Variants in NRG3 observed in about 807,000 individuals in gnomAD.
The protein encoded by NRG3 is neuregulin 3.
In NRG3, 31 loss-of-function variants were observed where a neutral mutation model predicts 66.9. The observed-to-expected ratio is 0.46, with a 90% CI of 0.35 to 0.63. NRG3 has a LOEUF of 0.63. Among genes scored for constraint, NRG3 ranks in the 20% least tolerant of loss-of-function variants. The probability of loss-of-function intolerance (pLI) is 0.00; values close to 1 mark genes in which losing one functional copy is unlikely to be tolerated. For synonymous variants in NRG3, 393 were observed against 359.4 expected (o/e 1.09, Z -1.06); for missense variants, 910 against 878.9 (o/e 1.04, Z -0.45).
chr10:82,107,474 A>G (rs1189166791), intron 1 of NRG3, among the ~76,000 whole-genome samples: 7 of 152,162 alleles, frequency 4.6e-5, no homozygotes, highest in Non-Finnish European at 8.8e-5. Context: ...TTATATGCCA[A>G]TTTCTGGGTA....
intron 2 of NRG3, among the ~76,000 whole-genome samples, chr10:82,435,933 T>C (rs2090113077): frequency 6.6e-6 from 1 of 152,134 alleles, no homozygotes; most frequent in South Asian, 2.1e-4. Flanking sequence ...CTTTTGCATT[T>C]GCTGAGGAGT....
intron 2 of NRG3, among the ~76,000 whole-genome samples, chr10:82,600,827 A>G (rs2047580860): frequency 6.6e-6 from 1 of 151,916 alleles, no homozygotes; most frequent in Admixed American, 6.6e-5. Context: ...GTACGTGTGC[A>G]GGTTTATCAC....
chr10:82,818,073 G>A (rs1591617919), intron 3 of NRG3, among the ~76,000 whole-genome samples: 1 of 152,232 alleles, frequency 6.6e-6, no homozygotes, highest in African/African-American at 2.4e-5. Context: ...GCCACGCATG[G>A]GCTGTTGGCT....
intron 1 of NRG3, among the ~76,000 whole-genome samples, chr10:81,908,041 A>T (rs1024648434): frequency 3.9e-5 from 6 of 152,192 alleles, no homozygotes; most frequent in African/African-American, 1.4e-4. Context: ...TAGATGCATG[A>T]TGTAATCTTC....
intron 3 of NRG3, among the ~76,000 whole-genome samples, chr10:82,739,964 A>G (rs568283087): frequency 6.6e-6 from 1 of 151,234 alleles, no homozygotes; most frequent in South Asian, 2.1e-4. Flanking sequence ...GGAAACTTGC[A>G]TAAAATAATG....
At chr10:82,138,502 A>G (rs1013835749) in intron 1 of NRG3, among the ~76,000 whole-genome samples, 3 of 152,158 alleles carry the variant, frequency 2.0e-5, no homozygotes, top group African/African-American at 7.2e-5. Context: ...GATATTATAC[A>G]TATGAAGTGT....
intron 3 of NRG3, among the ~76,000 whole-genome samples, chr10:82,838,722 A>G (rs1194153558): frequency 6.6e-6 from 1 of 152,102 alleles, no homozygotes; most frequent in Non-Finnish European, 1.5e-5. Flanking sequence ...TTTTAATTAT[A>G]TACATATACA....
At chr10:82,467,038 G>A (rs1371406885) in intron 2 of NRG3, among the ~76,000 whole-genome samples, 1 of 152,092 alleles carries the variant, frequency 6.6e-6, no homozygotes, top group Non-Finnish European at 1.5e-5. Flanking sequence ...ACTTTGCAGA[G>A]ATTCTATCAA....
At chr10:82,872,169 G>C (rs571560372) in intron 4 of NRG3, among the ~76,000 whole-genome samples, 1 of 152,008 alleles carries the variant, frequency 6.6e-6, no homozygotes, top group Non-Finnish European at 1.5e-5. Context: ...TGATATGATC[G>C]TGTGATTTTT....
At chr10:82,155,497 A>G (rs2071120851) in intron 1 of NRG3, among the ~76,000 whole-genome samples, 1 of 151,802 alleles carries the variant, frequency 6.6e-6, no homozygotes, top group Non-Finnish European at 1.5e-5. Context: ...CATAAGCACT[A>G]TCCATTGGGC....
chr10:82,640,985 G>T (rs2050530850), intron 2 of NRG3, among the ~76,000 whole-genome samples: 1 of 150,588 alleles, frequency 6.6e-6, no homozygotes, highest in Non-Finnish European at 1.5e-5. Context: ...ACAAAACCTA[G>T]GGTCTTTAAA....
At chr10:82,271,781 C>T (rs773176821) in intron 1 of NRG3, among the ~76,000 whole-genome samples, 72 of 151,990 alleles carry the variant, frequency 4.7e-4, no homozygotes, top group Non-Finnish European at 8.8e-4. Flanking sequence ...AAATTCATAC[C>T]TTTCTAAGGA....
intron 2 of NRG3, among the ~76,000 whole-genome samples, chr10:82,360,142 C>A (rs1013390230): frequency 6.6e-6 from 1 of 152,192 alleles, no homozygotes; most frequent in Non-Finnish European, 1.5e-5. Context: ...AATTTGCACC[C>A]TATTCCTATG....
intron 1 of NRG3, among the ~76,000 whole-genome samples, chr10:82,263,610 C>G (rs942227873): frequency 6.6e-6 from 1 of 152,114 alleles, no homozygotes; most frequent in African/African-American, 2.4e-5. Flanking sequence ...ACTACATACA[C>G]ACACACCACA....
At chr10:82,532,111 C>T (rs1172633759) in intron 2 of NRG3, among the ~76,000 whole-genome samples, 4 of 151,722 alleles carry the variant, frequency 2.6e-5, no homozygotes, top group Non-Finnish European at 4.4e-5. Flanking sequence ...ATATCCATCG[C>T]CTGAAGCATT....
chr10:81,956,912 C>G (rs1849887809), intron 1 of NRG3, among the ~76,000 whole-genome samples: 1 of 152,146 alleles, frequency 6.6e-6, no homozygotes, highest in African/African-American at 2.4e-5. Flanking sequence ...TCAAGCCACA[C>G]TAGACTCTTA....
At chr10:81,954,415 TA>T (rs1564687322) in intron 1 of NRG3, among the ~76,000 whole-genome samples, 1 of 152,214 alleles carries the variant, frequency 6.6e-6, no homozygotes, top group Non-Finnish European at 1.5e-5. Flanking sequence ...TGGATGCTTC[TA>T]AAAATCACTC....
At chr10:81,949,498 C>A (rs567862364) in intron 1 of NRG3, among the ~76,000 whole-genome samples, 1 of 151,980 alleles carries the variant, frequency 6.6e-6, no homozygotes, top group Non-Finnish European at 1.5e-5. Context: ...CCTCTCATGG[C>A]CAGATGGCTG....
intron 2 of NRG3, among the ~76,000 whole-genome samples, chr10:82,656,672 C>G (rs1204184826): frequency 1.3e-5 from 2 of 152,082 alleles, no homozygotes; most frequent in Non-Finnish European, 2.9e-5. Flanking sequence ...TCAGCCCTGC[C>G]TGGTACCTGT....
Sources: allele counts gnomAD v4.1 joint callset (sites outside exome capture counted in the v4.1 genomes callset), GRCh38; gene constraint gnomAD v4.1.1; transcripts MANE v1.5; gene names NCBI Gene and HGNC (gene_info 2026-07-23, HGNC 2026-07-21).